ORAI2: variants seen among roughly 807,000 people sequenced by gnomAD.
ORAI2 encodes ORAI calcium release-activated calcium modulator 2.
In ORAI2, 10 loss-of-function variants were observed where a neutral mutation model predicts 16.2. The ratio of observed to expected loss-of-function variants is 0.62; its 90% CI spans 0.38 to 1.04. The LOEUF (loss-of-function observed/expected upper bound fraction) is 1.04, where lower values mean the gene tolerates loss of function less well. Ranked by LOEUF, ORAI2 falls within the 50% of genes least tolerant of loss-of-function variation. The pLI is 0.01. For synonymous variants in ORAI2, 150 were observed against 157.5 expected (o/e 0.95, Z 0.35); for missense variants, 238 against 355.5 (o/e 0.67, Z 2.66).
At chr7:102,440,929 GTCACCC>G (rs1797182312) in intron 3 of ORAI2, among the ~76,000 whole-genome samples, 1 of 151,406 alleles carries the variant, frequency 6.6e-6, no homozygotes, top group Non-Finnish European at 1.5e-5. Context: ...GTCTTGCTCT[GTCACCC>G]AGGCTGGAGT....
At position 102,447,188 on chromosome 7, in the gene ORAI2, G is replaced by T. The variant is rs1048579466; in HGVS notation, c.*136G>T. On this transcript the variant is annotated 3_prime_UTR_variant, in exon 4 of 4. Coordinates refer to ENST00000495936, the MANE Select transcript of ORAI2 (RefSeq NM_001126340.3). ...TTTCCTCTTGTCTTAATACCATAAG[G>T]ACTGGATGACTTCTCCTGAGATAGA... The T allele has an allele frequency of 1.1e-6, 1 of 929,926 alleles. No homozygotes were observed. The highest frequency in any genetic ancestry group is 1.7e-5 in the African/African-American group (1 of 60,154). 57.6% of individuals were successfully genotyped at this position (929,926 alleles called of 1,614,324 possible). A position where few individuals can be genotyped will look rare whatever the true frequency, so the allele number is the denominator to read the frequency against.
rs181226898 is a variant in ORAI2, at chr7:102,447,144, G to A, written c.*92G>A. 1.9e-4 allele frequency: 261 copies of A among 1,364,166 alleles called. 1 individual carries two copies. The African/African-American group carries it at 3.5e-3, about 18-fold the overall frequency. The allele number at this position is 1,364,166 out of a possible 1,614,324, so 84.5% of individuals were successfully genotyped here. ...ATGCAGACATTTTGCAAGGCTGCCGGGTAGTTCAAGACCAAAGTTTTCCTC... is the reference window on the plus strand; with the variant it reads ...ATGCAGACATTTTGCAAGGCTGCCGAGTAGTTCAAGACCAAAGTTTTCCTC... On this transcript the variant is annotated 3_prime_UTR_variant, in exon 4 of 4. Transcript: ENST00000495936.
Position 102,448,573 on chromosome 7 carries a change from T to C in ORAI2, c.*1521T>C, listed in dbSNP as rs1229133178. ...AAAAATACAGAAAATTAGCTGGGCGTGGTGGCGGGCGCCTGTAGCCCCAGC... is the reference window on the plus strand; with the variant it reads ...AAAAATACAGAAAATTAGCTGGGCGCGGTGGCGGGCGCCTGTAGCCCCAGC... On this transcript the variant is annotated 3_prime_UTR_variant, in exon 4 of 4. Coordinates refer to ENST00000495936, the MANE Select transcript of ORAI2 (RefSeq NM_001126340.3). 1 of 152,058 alleles carries C rather than the reference T, an allele frequency of 6.6e-6. No individual in the cohort carries two copies. The highest frequency in any genetic ancestry group is 2.4e-5 in the African/African-American group (1 of 41,364). 9.4% of individuals were successfully genotyped at this position (152,058 alleles called of 1,614,324 possible).
At chr7:102,446,193 C>G (rs1237952123) in intron 3 of ORAI2, among the ~76,000 whole-genome samples, 1 of 152,256 alleles carries the variant, frequency 6.6e-6, no homozygotes, top group Non-Finnish European at 1.5e-5. Flanking sequence ...AAGTGATCCA[C>G]CAGCCTTGGC....
At chr7:102,443,113 CTTCTTCTTCTTCTTCTTCTTTT>C (rs1435929963) in intron 3 of ORAI2, among the ~76,000 whole-genome samples, 45 of 118,932 alleles carry the variant, frequency 3.8e-4, no homozygotes, top group African/African-American at 1.4e-3. Context: ...TCTTCTTCTT[CTTCTTCTTCTTCTTCTTCTTTT>C]TTTTTTTTTT....
chr7:102,438,786 CAAAG>C (rs1030639225), intron 2 of ORAI2, among the ~76,000 whole-genome samples, 154 bp from the exon 3 acceptor site: 6 of 152,102 alleles, frequency 3.9e-5, no homozygotes, highest in African/African-American at 1.2e-4. Context: ...AACAAACAAA[CAAAG>C]AAACATAACT....
intron 2 of ORAI2, 25 bp from the exon 3 acceptor site, chr7:102,438,919 G>T: frequency 6.2e-7 from 1 of 1,607,298 alleles, no homozygotes; most frequent in South Asian, 1.1e-5. Flanking sequence ...TAGGATGTCT[G>T]AGCATGTCTC....
chr7:102,444,251 T>TTTTA (rs1312249280), intron 3 of ORAI2, among the ~76,000 whole-genome samples: 1 of 151,792 alleles, frequency 6.6e-6, no homozygotes, highest in African/African-American at 2.4e-5. Context: ...TTTTATTTTA[T>TTTTA]TTTATTTATT....
Position 102,436,346 on chromosome 7 carries a change from C to T in ORAI2, c.-14+13C>T. 5 of 985,370 alleles carry T rather than the reference C, an allele frequency of 5.1e-6. No individual in the cohort carries two copies. The highest frequency in any genetic ancestry group is 6.0e-6 in the Non-Finnish European group (5 of 829,922). The allele number at this position is 985,370 out of a possible 1,614,324, so 61.0% of individuals were successfully genotyped here. A position where few individuals can be genotyped will look rare whatever the true frequency, so the allele number is the denominator to read the frequency against. On this transcript the variant is annotated intron_variant, in intron 2 of 3. Coordinates refer to ENST00000495936, the MANE Select transcript of ORAI2 (RefSeq NM_001126340.3). ...TATAAATGACCTGGTAATTGGCATC[C>T]CCTGGCAGAAATAGCACAGAACTGT...
chr7:102,441,469 G>A (rs1408109584), intron 3 of ORAI2, among the ~76,000 whole-genome samples: 1 of 150,264 alleles, frequency 6.7e-6, no homozygotes, highest in Non-Finnish European at 1.5e-5. Flanking sequence ...AACCCGGGAG[G>A]CGGAGGTTGC....
chr7:102,443,807 A>G (rs1417701639), intron 3 of ORAI2, among the ~76,000 whole-genome samples: 1 of 151,766 alleles, frequency 6.6e-6, no homozygotes, highest in Admixed American at 6.6e-5. Context: ...CCCGGGTTCA[A>G]GAGATTCTCC....
chr7:102,443,114 TTCTTCTTCTTCTTCTTC>T (rs959338990), intron 3 of ORAI2, among the ~76,000 whole-genome samples: 1 of 122,178 alleles, frequency 8.2e-6, no homozygotes. Flanking sequence ...CTTCTTCTTC[TTCTTCTTCTTCTTCTTC>T]TTTTTTTTTT....
chr7:102,439,430 AAGTATTTGCTTAGCAAGG>A (rs1246691543), intron 3 of ORAI2, among the ~76,000 whole-genome samples: 1 of 152,084 alleles, frequency 6.6e-6, no homozygotes, highest in African/African-American at 2.4e-5. Flanking sequence ...TGTTCACATC[AAGTATTTGCTTAGCAAGG>A]AGGGAGGTTG....
rs963709700 is a variant in ORAI2 at position 102,456,723 on chromosome 7, T to C, written c.*9671T>C. 3 of 152,192 alleles carry C rather than the reference T, an allele frequency of 2.0e-5. No individual in the cohort carries two copies. Among genetic ancestry groups the C allele is most frequent in the Non-Finnish European group, 4.4e-5 (3 of 68,040 alleles). 9.4% of individuals were successfully genotyped at this position (152,192 alleles called of 1,614,324 possible). A position where few individuals can be genotyped will look rare whatever the true frequency, so the allele number is the denominator to read the frequency against. ...AGTCTAAACTTCAAATCTTCAACCC[T>C]GTTCCCTAATCCAACACATTCCCCA... On this transcript the variant is annotated 3_prime_UTR_variant, in exon 4 of 4. Transcript: ENST00000495936.
chr7:102,443,372 G>A (rs1044977178), intron 3 of ORAI2, among the ~76,000 whole-genome samples: 45 of 149,516 alleles, frequency 3.0e-4, no homozygotes, highest in Non-Finnish European at 3.4e-4. Context: ...TCCACCTTCC[G>A]GGTTCACGCC....
rs1797508026 is a variant in ORAI2 at position 102,451,071 on chromosome 7, C to CA, written c.*4020dup. 6.6e-6 allele frequency: 1 copy of CA among 151,968 alleles called. No individual in the cohort carries two copies. The highest frequency in any genetic ancestry group is 2.1e-4 in the South Asian group (1 of 4,802). The allele number at this position is 151,968 out of a possible 1,614,324, so 9.4% of individuals were successfully genotyped here. ...CAAAAATTAGCCGGGCGTAGTGACA[C>CA]ACGCCTGTAATCCCAGCTGCTCGGG... is the stretch of plus-strand genomic sequence containing the variant. On this transcript the variant is annotated 3_prime_UTR_variant, in exon 4 of 4. Coordinates refer to ENST00000495936, the MANE Select transcript of ORAI2 (RefSeq NM_001126340.3).
rs754030552 is a variant in ORAI2 at position 102,446,934 on chromosome 7, T to C, written c.647T>C (p.Ile216Thr). ...PVGLIFVVFT[I>T]HFYRSLVRHK... ...GGCCTCATCTTCGTGGTCTTCACCA[T>C]CCACTTCTACCGCTCCCTGGTGCGC... is the stretch of plus-strand genomic sequence containing the variant. The change falls in exon 4 of 4, where the codon ATC becomes ACC. Residue 216 changes from isoleucine (I) to threonine (T), a missense_variant. Physicochemically the swap from Ile to Thr is moderately conservative, Grantham distance 89. Coordinates refer to ENST00000495936, the MANE Select transcript of ORAI2 (RefSeq NM_001126340.3). 40 of 1,612,778 alleles carry C rather than the reference T, an allele frequency of 2.5e-5. 1 individual carries two copies. In the South Asian group the frequency reaches 3.8e-4, roughly 15 times the overall value.
intron 2 of ORAI2, 68 bp from the exon 3 acceptor site, chr7:102,438,876 C>A: frequency 6.7e-7 from 1 of 1,483,442 alleles, no homozygotes; most frequent in Non-Finnish European, 9.4e-7. Context: ...GTTGAATGGG[C>A]TTGGAGTCTA....
rs770494950 is a variant in ORAI2, at chr7:102,438,926, T to C, written c.-13-18T>C. On this transcript the variant is annotated intron_variant, in intron 2 of 3. Coordinates refer to ENST00000495936, the MANE Select transcript of ORAI2 (RefSeq NM_001126340.3). Reference sequence around the variant, plus strand: ...CAGTAACCTAGGATGTCTGAGCATGTCTCTCTCCCACCCTTAGCCTGGCTC... The same window carrying C: ...CAGTAACCTAGGATGTCTGAGCATGCCTCTCTCCCACCCTTAGCCTGGCTC... 6.2e-7 allele frequency: 1 copy of C among 1,609,696 alleles called. No homozygotes were observed. Among genetic ancestry groups the C allele is most frequent in the South Asian group, 1.1e-5 (1 of 91,010 alleles).
Sources: gnomAD v4.1 joint callset for allele counts (sites outside exome capture counted in the v4.1 genomes callset) on GRCh38, gnomAD v4.1.1 for gene constraint, MANE v1.5 for transcripts, NCBI Gene and HGNC (gene_info 2026-07-23, HGNC 2026-07-21) for gene names.